Variants in E2F3 observed in about 807,000 individuals in gnomAD.
The protein encoded by E2F3 is E2F transcription factor 3.
Under a neutral mutation model 44.4 loss-of-function variants are expected in E2F3, and 11 were observed. The ratio of observed to expected loss-of-function variants is 0.25; its 90% CI spans 0.16 to 0.41. The LOEUF (loss-of-function observed/expected upper bound fraction) is 0.41, where lower values mean the gene tolerates loss of function less well. Ranked by LOEUF, E2F3 falls within the 10% of genes least tolerant of loss-of-function variation. The pLI is 1.00. For synonymous variants in E2F3, 249 were observed against 253.0 expected, an observed-to-expected ratio of 0.98 and a Z score of 0.15; for missense variants, 487 against 583.6, an observed-to-expected ratio of 0.83 and a Z score of 1.70.
intron 1 of E2F3, among the ~76,000 whole-genome samples, chr6:20,426,113 T>C (rs574787964): frequency 5.9e-4 from 90 of 152,314 alleles, no homozygotes; most frequent in African/African-American, 1.8e-3. Flanking sequence ...TCTAATACAA[T>C]AGTTGTGCGG....
At chr6:20,439,358 G>C (rs560038875) in intron 1 of E2F3, among the ~76,000 whole-genome samples, 1 of 152,190 alleles carries the variant, frequency 6.6e-6, no homozygotes, top group African/African-American at 2.4e-5. Flanking sequence ...CTGCTGAAGC[G>C]AGCTGCTCTT....
At chr6:20,485,415 C>G (rs1214945307) in intron 4 of E2F3, among the ~76,000 whole-genome samples, 1 of 151,998 alleles carries the variant, frequency 6.6e-6, no homozygotes, top group Non-Finnish European at 1.5e-5. Context: ...CCCATCTCTA[C>G]TAAAAATAAA....
chr6:20,436,762 A>G (rs964674636), intron 1 of E2F3, among the ~76,000 whole-genome samples: 2 of 152,224 alleles, frequency 1.3e-5, no homozygotes, highest in African/African-American at 4.8e-5. Context: ...AGGTTCTAAT[A>G]TGGACTTCTA....
At chr6:20,438,129 A>G (rs1480341809) in intron 1 of E2F3, 2 of 152,202 alleles carry the variant, frequency 1.3e-5, no homozygotes, top group Admixed American at 1.3e-4. Flanking sequence ...TGCTTCTGCA[A>G]ATCTGAGGAC....
At chr6:20,486,325 T>C (rs574331829) in intron 4 of E2F3, among the ~76,000 whole-genome samples, 1 of 152,266 alleles carries the variant, frequency 6.6e-6, no homozygotes, top group Non-Finnish European at 1.5e-5. Context: ...CAGGCTGGAG[T>C]GCAGTGGCGC....
chr6:20,417,158 G>C (rs1759874768), intron 1 of E2F3, among the ~76,000 whole-genome samples: 1 of 152,132 alleles, frequency 6.6e-6, no homozygotes, highest in African/African-American at 2.4e-5. Flanking sequence ...GATGGACAAG[G>C]CTTATCTGAA....
At chr6:20,451,949 G>A (rs1334944776) in intron 1 of E2F3, among the ~76,000 whole-genome samples, 1 of 152,130 alleles carries the variant, frequency 6.6e-6, no homozygotes, top group Non-Finnish European at 1.5e-5. Flanking sequence ...GTGCTAGTGG[G>A]TTTGTTTTGC....
At chr6:20,405,344 ATTTT>A (rs150647270) in intron 1 of E2F3, among the ~76,000 whole-genome samples, 7 of 108,188 alleles carry the variant, frequency 6.5e-5, no homozygotes, top group African/African-American at 1.4e-4. Context: ...GGTTATCTGC[ATTTT>A]TTTTTTTTTT....
intron 1 of E2F3, among the ~76,000 whole-genome samples, chr6:20,473,852 C>T (rs994255349): frequency 2.0e-5 from 3 of 152,192 alleles, no homozygotes; most frequent in Non-Finnish European, 4.4e-5. Context: ...ATCTTTACCC[C>T]AGACACTTGA....
intron 1 of E2F3, chr6:20,403,695 T>C: frequency 3.9e-6 from 2 of 518,120 alleles, no homozygotes; most frequent in South Asian, 4.4e-5. Context: ...ACCCTCCCTC[T>C]CCTCTCCCCA....
At chr6:20,450,310 A>G (rs758407822) in intron 1 of E2F3, among the ~76,000 whole-genome samples, 3 of 151,958 alleles carry the variant, frequency 2.0e-5, no homozygotes, top group Non-Finnish European at 4.4e-5. Flanking sequence ...TTAATAATAG[A>G]CATTCTGTCT....
In E2F3 at chr6:20,450,174, G is replaced by GT. The variant is rs955228318; in HGVS notation, c.394-29665dup. On this transcript the variant is annotated intron_variant, in intron 1 of 6. Transcript: ENST00000346618. ...GCTGGGTTGAATGGTATTTCTGGTA[G>GT]TTTTTTTGGTCCTTGAGAAATCGCC... is the stretch of plus-strand genomic sequence containing the variant. Among the ~76,000 whole-genome samples the GT allele has an allele frequency of 2.6e-5, 4 of 152,166 alleles. No homozygotes were observed. In the Middle Eastern group the frequency reaches 0.014, roughly 518 times the overall value.
intron 1 of E2F3, among the ~76,000 whole-genome samples, chr6:20,466,448 C>T (rs1761713388): frequency 6.6e-6 from 1 of 152,102 alleles, no homozygotes; most frequent in African/African-American, 2.4e-5. Flanking sequence ...GCCATTCTTG[C>T]AGAAGTAAGG....
intron 1 of E2F3, chr6:20,403,857 G>A: frequency 1.5e-6 from 2 of 1,352,946 alleles, no homozygotes; most frequent in Non-Finnish European, 2.0e-6. Flanking sequence ...CGGCTCGGGG[G>A]CCGCCGACGC....
chr6:20,412,436 GC>G (rs1759704945), intron 1 of E2F3, among the ~76,000 whole-genome samples: 1 of 152,082 alleles, frequency 6.6e-6, no homozygotes, highest in Non-Finnish European at 1.5e-5. Flanking sequence ...GATTGGGGAG[GC>G]CCTTTCTGGC....
chr6:20,425,213 A>G (rs1185992327), intron 1 of E2F3, among the ~76,000 whole-genome samples: 2 of 152,008 alleles, frequency 1.3e-5, no homozygotes, highest in Non-Finnish European at 2.9e-5. Context: ...GTGGGGAGAG[A>G]AATTATTTAC....
chr6:20,402,259 G>A lies in E2F3; in HGVS notation c.27G>A (p.Leu9=). The change falls in exon 1 of 7, where the codon CTG becomes CTA. Residue 9 remains leucine (L), a synonymous_variant. Transcript: ENST00000346618. This position sits in a 1 kb window ranked among gnomAD's most constrained non-coding sequence, Gnocchi z 5.6. ...TGAGAAAGGGAATCCAGCCCGCTCT[G>A]GAGCAGTACCTGGTGACCGCCGGGG... MRKGIQPA[L]EQYLVTAGGG... is the part of the protein sequence containing the mutation. The A allele has an allele frequency of 6.2e-7, 1 of 1,604,330 alleles. No individual in the cohort carries two copies. The highest frequency in any genetic ancestry group is 1.7e-5 in the Admixed American group (1 of 57,242).
intron 1 of E2F3, among the ~76,000 whole-genome samples, chr6:20,448,466 C>A (rs796454562): frequency 1.9e-4 from 28 of 150,202 alleles, no homozygotes; most frequent in Middle Eastern, 3.4e-3. Flanking sequence ...TATATGTATA[C>A]ACACACACAC....
At chr6:20,406,761 C>G (rs1759507861) in intron 1 of E2F3, among the ~76,000 whole-genome samples, 1 of 152,172 alleles carries the variant, frequency 6.6e-6, no homozygotes, top group South Asian at 2.1e-4. Context: ...GCAGTTTATG[C>G]TTAGCGGCTT....
Sources: allele counts gnomAD v4.1 joint callset (sites outside exome capture counted in the v4.1 genomes callset), GRCh38; gene constraint gnomAD v4.1.1; non-coding constraint Gnocchi (gnomAD v3.1); transcripts MANE v1.5; gene names NCBI Gene and HGNC (gene_info 2026-07-23, HGNC 2026-07-21).